CTNND2: variants seen among roughly 807,000 people sequenced by gnomAD.
CTNND2 encodes catenin delta-2.
A neutral mutation model predicts 144.4 loss-of-function variants in CTNND2; 22 were observed. The ratio of observed to expected loss-of-function variants is 0.15; its 90% CI spans 0.11 to 0.22. CTNND2 has a LOEUF of 0.22. CTNND2 is among the 10% of genes least tolerant of loss of function. The pLI is 1.00. For synonymous variants in CTNND2, 751 were observed against 695.6 expected (o/e 1.08, Z -1.25); for missense variants, 1,353 against 1,618.8 (o/e 0.84, Z 2.82).
intron 2 of CTNND2, among the ~76,000 whole-genome samples, chr5:11,685,986 C>T (rs1784629913): frequency 6.6e-6 from 1 of 152,130 alleles, no homozygotes; most frequent in South Asian, 2.1e-4. Flanking sequence ...AGGCCAATAG[C>T]TTTGAGCTCA....
At chr5:11,129,654 G>C (rs1561354752) in intron 12 of CTNND2, among the ~76,000 whole-genome samples, 1 of 151,780 alleles carries the variant, frequency 6.6e-6, no homozygotes, top group African/African-American at 2.4e-5. Context: ...CTGAAAACTG[G>C]AGTTTTCAGA....
intron 18 of CTNND2, among the ~76,000 whole-genome samples, chr5:10,994,345 A>C (rs1579979998): frequency 4.2e-5 from 1 of 23,600 alleles, no homozygotes; most frequent in Non-Finnish European, 8.0e-5. Flanking sequence ...GGGGCCGGGG[A>C]AGGAGGAGGG....
At chr5:11,694,859 T>C (rs1785073385) in intron 2 of CTNND2, among the ~76,000 whole-genome samples, 1 of 152,206 alleles carries the variant, frequency 6.6e-6, no homozygotes, top group African/African-American at 2.4e-5. Flanking sequence ...AATGAACATA[T>C]GCTTTGAGGA....
chr5:11,728,182 A>G (rs1251404974), intron 2 of CTNND2, among the ~76,000 whole-genome samples: 2 of 152,174 alleles, frequency 1.3e-5, no homozygotes, highest in Admixed American at 1.3e-4. Context: ...GTGAAAGCCC[A>G]GAAATGTCAG....
intron 19 of CTNND2, among the ~76,000 whole-genome samples, chr5:10,990,614 T>A (rs1579968112): frequency 6.6e-6 from 1 of 152,326 alleles, no homozygotes; most frequent in South Asian, 2.1e-4. Flanking sequence ...CCACAGCTTT[T>A]AAAATTAGAA....
chr5:11,455,471 A>G (rs1370784691), intron 3 of CTNND2, among the ~76,000 whole-genome samples: 3 of 152,100 alleles, frequency 2.0e-5, no homozygotes, highest in Non-Finnish European at 4.4e-5. Flanking sequence ...TGAAGCACAA[A>G]CAGAGCTGGT....
rs1202575547 is a variant in CTNND2 at position 11,774,561 on chromosome 5, T to TAAAAAAA, written c.38-42296_38-42290dup. 2.0e-3 allele frequency among the ~76,000 whole-genome samples: 230 copies of TAAAAAAA among 116,776 alleles called. 7 individuals are homozygous for TAAAAAAA. The highest frequency in any genetic ancestry group is 3.3e-3 in the East Asian group (13 of 3,992). 76.6% of individuals were successfully genotyped at this position (116,776 alleles called of 152,430 possible). A position where few individuals can be genotyped will look rare whatever the true frequency, so the allele number is the denominator to read the frequency against. On this transcript the variant is annotated intron_variant, in intron 1 of 21. Coordinates refer to ENST00000304623, the MANE Select transcript of CTNND2 (RefSeq NM_001332.4). The stretch of plus-strand genomic sequence containing the variant: ...AACTTAAAGTATAATAAAAAAAAAT[T>TAAAAAAA]AAAAAAAAAAACAATGATGGCTTTA...
intron 9 of CTNND2, among the ~76,000 whole-genome samples, chr5:11,322,879 C>T (rs1220091145): frequency 6.6e-6 from 1 of 152,038 alleles, no homozygotes; most frequent in African/African-American, 2.4e-5. Flanking sequence ...GGGGAGGCTA[C>T]AGGGCAATTT....
At chr5:11,624,032 T>C (rs1276763963) in intron 2 of CTNND2, among the ~76,000 whole-genome samples, 1 of 151,614 alleles carries the variant, frequency 6.6e-6, no homozygotes, top group Non-Finnish European at 1.5e-5. Flanking sequence ...CCTGACCATA[T>C]AGACTTCTTT....
intron 2 of CTNND2, among the ~76,000 whole-genome samples, chr5:11,709,562 G>A (rs1238650271): frequency 6.6e-6 from 1 of 150,752 alleles, no homozygotes; most frequent in Non-Finnish European, 1.5e-5. Context: ...ATCCCAAACA[G>A]TTAGTTATTT....
In CTNND2 at chr5:11,312,577, C is replaced by G. The variant is rs1478764127; in HGVS notation, c.1628+33795G>C. ...ATTACCTTCCCCTGGGTCCCTCTCA[C>G]AACATGTGGGAATTCTGGGAGATAC... On this transcript the variant is annotated intron_variant, in intron 9 of 21. Transcript: ENST00000304623. Among the ~76,000 whole-genome samples, 4 of 148,446 alleles carry G rather than the reference C, an allele frequency of 2.7e-5. 1 individual carries two copies. Among genetic ancestry groups the G allele is most frequent in the East Asian group, 2.0e-4 (1 of 5,004 alleles).
intron 21 of CTNND2, among the ~76,000 whole-genome samples, chr5:10,975,390 A>G (rs184045288): frequency 1.3e-5 from 2 of 152,292 alleles, no homozygotes; most frequent in Admixed American, 1.3e-4. Flanking sequence ...ATAAATATTT[A>G]TGTGTGTTTG....
At chr5:11,646,531 C>T (rs879777762) in intron 2 of CTNND2, among the ~76,000 whole-genome samples, 1 of 152,208 alleles carries the variant, frequency 6.6e-6, no homozygotes, top group African/African-American at 2.4e-5. Flanking sequence ...TGGAACAATT[C>T]ACAGGCTAAC....
At chr5:11,409,916 ATTTG>A (rs1330170816) in intron 5 of CTNND2, among the ~76,000 whole-genome samples, 5 of 151,872 alleles carry the variant, frequency 3.3e-5, no homozygotes, top group Non-Finnish European at 5.9e-5. Context: ...TTCTATTTTA[ATTTG>A]TTTACTTTTT....
intron 2 of CTNND2, among the ~76,000 whole-genome samples, chr5:11,622,980 C>A (rs530634773): frequency 6.6e-6 from 1 of 152,044 alleles, no homozygotes; most frequent in Non-Finnish European, 1.5e-5. Context: ...ATTAACAACA[C>A]GACTGGTTTA....
At chr5:11,315,070 G>GT (rs1208028788) in intron 9 of CTNND2, among the ~76,000 whole-genome samples, 6 of 151,712 alleles carry the variant, frequency 4.0e-5, no homozygotes, top group Non-Finnish European at 7.4e-5. Context: ...TAAATTCCCA[G>GT]TTTTTTTAAA....
intron 1 of CTNND2, among the ~76,000 whole-genome samples, chr5:11,892,699 A>T (rs1737074209): frequency 6.6e-6 from 1 of 152,144 alleles, no homozygotes; most frequent in African/African-American, 2.4e-5. Context: ...GCTAAAAAAA[A>T]AAACCTCACA....
intron 1 of CTNND2, among the ~76,000 whole-genome samples, chr5:11,764,407 A>G (rs1258096182): frequency 2.6e-5 from 4 of 152,138 alleles, no homozygotes; most frequent in Non-Finnish European, 4.4e-5. Flanking sequence ...TTCCTGGCCC[A>G]TTGTGGGCAT....
At chr5:11,733,013 C>A (rs1349470507) in intron 1 of CTNND2, among the ~76,000 whole-genome samples, 1 of 152,098 alleles carries the variant, frequency 6.6e-6, no homozygotes, top group African/African-American at 2.4e-5. Flanking sequence ...TGGAAAGTGG[C>A]ACATCGGGAG....
Sources: gnomAD v4.1 joint callset for allele counts (sites outside exome capture counted in the v4.1 genomes callset) on GRCh38, gnomAD v4.1.1 for gene constraint, MANE v1.5 for transcripts, NCBI Gene and HGNC (gene_info 2026-07-23, HGNC 2026-07-21) for gene names.